Variants in NACAD observed in about 807,000 individuals in gnomAD.
NACAD encodes the protein NAC alpha domain containing.
Under a neutral mutation model 98.9 loss-of-function variants are expected in NACAD, and 47 were observed. The observed-to-expected ratio is 0.48, with a 90% confidence interval of 0.38 to 0.61. The LOEUF is 0.61. Among genes scored for constraint, NACAD ranks in the 20% least tolerant of loss-of-function variants. The pLI is 0.00. For synonymous variants in NACAD, 696 were observed against 767.2 expected (o/e 0.91, Z 1.53); for missense variants, 1,412 against 1,748.2 (o/e 0.81, Z 3.43).
chr7:45,082,780 T>C lies in NACAD; in HGVS notation c.3400A>G (p.Thr1134Ala). The C allele has an allele frequency of 1.3e-6, 2 of 1,548,918 alleles. No homozygotes were observed. The highest frequency in any genetic ancestry group is 2.4e-5 in the South Asian group (2 of 83,804). The stretch of plus-strand genomic sequence containing the variant: ...GCTGAGGGAAGCGTGGGCTCCGGGG[T>C]GGACTTGCCACTCAGGCCTCTTTCC... ...REERGLSGKS[T>A]PEPTLPSAVA... Residue 1134 changes from threonine to alanine, a missense_variant, in exon 2 of 8, where the codon ACC becomes GCC. Thr to Ala is a moderately conservative substitution (Grantham distance 58). Around this residue, in one of 5 missense-constraint regions of NACAD, gnomAD observed 572 missense variants for 639.6 expected, o/e 0.89. Transcript: ENST00000490531. This position sits in a 1 kb window ranked among gnomAD's most constrained non-coding sequence, Gnocchi z 4.5.
Position 45,083,113 on chromosome 7 carries a change from A to C in NACAD, c.3067T>G (p.Leu1023Val). The C allele has an allele frequency of 1.3e-6, 2 of 1,550,784 alleles. No individual in the cohort carries two copies. The highest frequency in any genetic ancestry group is 1.7e-4 in the Middle Eastern group (1 of 5,992). The part of the protein sequence containing the change: ...WAAQEDADST[L>V]GMEALSLPEP... The stretch of plus-strand genomic sequence containing the variant: ...GGGAGACTGAGGGCCTCCATGCCCA[A>C]AGTGGAATCCGCATCTTCCTGTGCG... The change falls in exon 2 of 8, where the codon TTG (leucine) becomes GTG (valine). Residue 1023 changes from leucine (L) to valine (V), a missense_variant. By Grantham distance (32) the Leu-to-Val change is conservative (BLOSUM62 1). Around this residue, in one of 5 missense-constraint regions of NACAD, gnomAD observed 572 missense variants for 639.6 expected, o/e 0.89. Transcript: ENST00000490531.
chr7:45,083,435 G>A lies in NACAD; in HGVS notation c.2745C>T (p.Thr915=), dbSNP rs908857855. 1.3e-6 allele frequency: 2 copies of A among 1,548,222 alleles called. No homozygotes were observed. The highest frequency in any genetic ancestry group is 2.0e-5 in the Admixed American group (1 of 50,792). ...PVSQQAEEGL[T]LPQDSAMTAP... is the part of the protein sequence containing the mutation. Reference sequence around the variant, plus strand: ...CTGTCATAGCGGAGTCCTGGGGTAAGGTGAGGCCCTCTTCAGCCTGCTGGG... The same window carrying A: ...CTGTCATAGCGGAGTCCTGGGGTAAAGTGAGGCCCTCTTCAGCCTGCTGGG... Residue 915 remains threonine, a synonymous_variant, in exon 2 of 8, where the codon ACC becomes ACT. Transcript: ENST00000490531.
Position 45,083,226 on chromosome 7 carries a change from G to T in NACAD, c.2954C>A (p.Ala985Asp). The part of the protein sequence containing the change: ...PRPAPEEKNA[A>D]LPTVPEPAAL... ...TGCAGGCTCCGGGACTGTAGGGAGG[G>T]CTGCATTCTTCTCCTCAGGTGCTGG... The change falls in exon 2 of 8, where the codon GCC (alanine) becomes GAC (aspartate). Residue 985 changes from alanine (A) to aspartate (D), a missense_variant. Around this residue, in one of 5 missense-constraint regions of NACAD, gnomAD observed 572 missense variants for 639.6 expected, o/e 0.89. Coordinates refer to ENST00000490531, the MANE Select transcript of NACAD (RefSeq NM_001146334.2). The T allele has an allele frequency of 6.4e-7, 1 of 1,550,874 alleles. No homozygotes were observed.
chr7:45,088,576 G>A lies in NACAD; in HGVS notation c.67+252C>T, dbSNP rs1361311486. On this transcript the variant is annotated intron_variant, in intron 1 of 7. Transcript: ENST00000490531. This position sits in a 1 kb window ranked among gnomAD's most constrained non-coding sequence, Gnocchi z 5.7. ...ATGCGAGCCCCACGATCCCTGGGTC[G>A]GAAGCCAAGGGCTTAAGCCCCCACG... Among the ~76,000 whole-genome samples the A allele has an allele frequency of 3.3e-5, 5 of 152,228 alleles. No homozygotes were observed. The highest frequency in any genetic ancestry group is 4.8e-5 in the African/African-American group (2 of 41,458).
At position 45,080,667 on chromosome 7, in the gene NACAD, G is replaced by A; in HGVS notation, c.4647C>T (p.Asn1549=). The A allele has an allele frequency of 6.4e-7, 1 of 1,551,300 alleles. No homozygotes were observed. Among genetic ancestry groups the A allele is most frequent in the Non-Finnish European group, 8.7e-7 (1 of 1,146,930 alleles). ...TGATGGCGTTGACGATGTCACTGTG[G>A]TTGTCTCTCAGAGCCCGCACGGCCT... ...RAKAVRALRD[N]HSDIVNAIME... The change falls in exon 7 of 8, where the codon AAC becomes AAT. Residue 1549 remains asparagine (N), a synonymous_variant. Coordinates refer to ENST00000490531, the MANE Select transcript of NACAD (RefSeq NM_001146334.2).
At position 45,088,930 on chromosome 7, in the gene NACAD, C is replaced by A; in HGVS notation, c.-36G>T. 1 of 1,327,034 alleles carries A rather than the reference C, an allele frequency of 7.5e-7. No individual in the cohort carries two copies. The highest frequency in any genetic ancestry group is 9.6e-7 in the Non-Finnish European group (1 of 1,038,332). 82.2% of individuals were successfully genotyped at this position (1,327,034 alleles called of 1,614,324 possible). The stretch of plus-strand genomic sequence containing the variant: ...TGCGCCCGCCCGTCCCTCAGTCCTT[C>A]CGACCCTCCGTCAGTCCGTGCCGCC... On this transcript the variant is annotated 5_prime_UTR_variant, in exon 1 of 8. Transcript: ENST00000490531. This position sits in a 1 kb window ranked among gnomAD's most constrained non-coding sequence, Gnocchi z 5.7.
chr7:45,085,246 G>T lies in NACAD; in HGVS notation c.934C>A (p.Pro312Thr), dbSNP rs1562928623. ...NDPMIPAALL[P>T]FQGSLIFQVE... ...TGAAAGATGAGGCTGCCCTGGAAGG[G>T]TAGGAGGGCTGCGGGGATCATTGGG... Residue 312 changes from proline (P) to threonine (T), a missense_variant, in exon 2 of 8, where the codon CCC (proline) becomes ACC (threonine). Coordinates refer to ENST00000490531, the MANE Select transcript of NACAD (RefSeq NM_001146334.2). This position sits in a 1 kb window ranked among gnomAD's most constrained non-coding sequence, Gnocchi z 6.1. The T allele has an allele frequency of 1.3e-6, 2 of 1,551,440 alleles. No homozygotes were observed. The highest frequency in any genetic ancestry group is 8.7e-7 in the Non-Finnish European group (1 of 1,146,938).
Position 45,085,821 on chromosome 7 carries a change from A to G in NACAD, c.359T>C (p.Val120Ala), listed in dbSNP as rs1784513266. The change falls in exon 2 of 8, where the codon GTG (valine) becomes GCG (alanine). Residue 120 changes from valine to alanine, a missense_variant. Physicochemically the swap from Val to Ala is moderately conservative, Grantham distance 64. Coordinates refer to ENST00000490531, the MANE Select transcript of NACAD (RefSeq NM_001146334.2). The surrounding 1 kb of genome is among the most constrained non-coding windows in gnomAD (Gnocchi z 6.1). ...GGCCTGGCACGTCTCCTCTCCCATCACAATCCGGGGCTCCAGGGTGGCCGG... is the reference window on the plus strand; with the variant it reads ...GGCCTGGCACGTCTCCTCTCCCATCGCAATCCGGGGCTCCAGGGTGGCCGG... The part of the protein sequence containing the change: ...PLPATLEPRI[V>A]MGEETCQALL... 1 of 1,539,274 alleles carries G rather than the reference A, an allele frequency of 6.5e-7. No homozygotes were observed. Among genetic ancestry groups the G allele is most frequent in the African/African-American group, 1.4e-5 (1 of 72,824 alleles).
chr7:45,084,236 T>C lies in NACAD; in HGVS notation c.1944A>G (p.Leu648=). Residue 648 remains leucine (L), a synonymous_variant, in exon 2 of 8, where the codon CTA becomes CTG. Transcript: ENST00000490531. ...GGGCTGACGAGAGTTCTGTGTCTTG[T>C]AGGGGCAGAGGCGGTGTCATAACGG... is the stretch of plus-strand genomic sequence containing the variant. ...QDSVMTPPLP[L]QDTELSSAPK... The C allele has an allele frequency of 4.7e-6, 6 of 1,264,188 alleles. 1 individual carries two copies. Among genetic ancestry groups the C allele is most frequent in the Non-Finnish European group, 6.0e-6 (6 of 994,240 alleles). The allele number at this position is 1,264,188 out of a possible 1,614,324, so 78.3% of individuals were successfully genotyped here.
At chr7:45,081,933 C>T (rs1784436806) in intron 2 of NACAD, 66 bp from the exon 3 acceptor site, 4 of 1,484,316 alleles carry the variant, frequency 2.7e-6, no homozygotes, top group South Asian at 2.5e-5. Context: ...GGGTTCAGGA[C>T]CCTGGCCCTG....
At position 45,082,145 on chromosome 7, in the gene NACAD, G is replaced by A. The variant is rs1028586891; in HGVS notation, c.4035C>T (p.Ala1345=). Residue 1345 remains alanine, a synonymous_variant, in exon 2 of 8, where the codon GCC becomes GCT. Transcript: ENST00000490531. This position sits in a 1 kb window ranked among gnomAD's most constrained non-coding sequence, Gnocchi z 4.5. ...TGTCCTCATCCTCTTGCTGCTCGGG[G>A]GCTGAGAGCCCTTGAGGGCCAGCTG... ...QSPAGPQGLS[A]PEQQEDEDSL... is the part of the protein sequence containing the mutation. The A allele has an allele frequency of 3.0e-5, 44 of 1,487,884 alleles. No homozygotes were observed. Among genetic ancestry groups the A allele is most frequent in the Non-Finnish European group, 3.8e-5 (42 of 1,117,534 alleles). 92.2% of individuals were successfully genotyped at this position (1,487,884 alleles called of 1,614,324 possible). A position where few individuals can be genotyped will look rare whatever the true frequency, so the allele number is the denominator to read the frequency against.
chr7:45,083,070 GCAC>G lies in NACAD; in HGVS notation c.3107_3109del (p.Gly1036del). 2 of 1,550,862 alleles carry G rather than the reference GCAC, an allele frequency of 1.3e-6. No homozygotes were observed. The highest frequency in any genetic ancestry group is 8.7e-7 in the Non-Finnish European group (1 of 1,147,006). ...AAGGGCTTCTGCTATTTCCTCCCCA[GCAC>G]CAGAGGCCGGCTCAGGGAGACTGAG... On this transcript the variant is annotated inframe_deletion, in exon 2 of 8. Transcript: ENST00000490531.
chr7:45,081,704 G>T (rs1358392143), intron 3 of NACAD, 32 bp from the exon 4 acceptor site: 1 of 1,551,274 alleles, frequency 6.4e-7, no homozygotes, highest in East Asian at 2.4e-5. Flanking sequence ...GCATCCATGG[G>T]TGGGGTGTGG....
At position 45,082,488 on chromosome 7, in the gene NACAD, G is replaced by A. The variant is rs1016101713; in HGVS notation, c.3692C>T (p.Ala1231Val). The change falls in exon 2 of 8, where the codon GCT becomes GTT. Residue 1231 changes from alanine (A) to valine (V), a missense_variant. Ala to Val is a moderately conservative substitution (Grantham distance 64). Around this residue, in one of 5 missense-constraint regions of NACAD, gnomAD observed 572 missense variants for 639.6 expected, o/e 0.89. Coordinates refer to ENST00000490531, the MANE Select transcript of NACAD (RefSeq NM_001146334.2). This position sits in a 1 kb window ranked among gnomAD's most constrained non-coding sequence, Gnocchi z 4.5. ...GGCTGCCCCAGCAAGGGTACCAGGAGCAGAAGGGTCAGGGCCCAGGGGCCT... is the reference window on the plus strand; with the variant it reads ...GGCTGCCCCAGCAAGGGTACCAGGAACAGAAGGGTCAGGGCCCAGGGGCCT... ...VDRPLGPDPS[A>V]PGTLAGAALP... 3 of 1,549,510 alleles carry A rather than the reference G, an allele frequency of 1.9e-6. No homozygotes were observed. The highest frequency in any genetic ancestry group is 2.7e-5 in the African/African-American group (2 of 73,022).
chr7:45,080,785 G>A (rs1245465608), intron 6 of NACAD, 23 bp from the exon 7 acceptor site: 4 of 1,550,244 alleles, frequency 2.6e-6, no homozygotes, highest in East Asian at 4.9e-5. Flanking sequence ...GAGCAGGGAA[G>A]TGGCTGGAGC....
rs553141512 is a variant in NACAD, at chr7:45,084,698, G to A, written c.1482C>T (p.Leu494=). 10 of 1,550,994 alleles carry A rather than the reference G, an allele frequency of 6.4e-6. No individual in the cohort carries two copies. The African/African-American group carries it at 1.2e-4, about 19-fold the overall frequency. Reference sequence around the variant, plus strand: ...TCACTCTGGTAGCCACCTCCACCTGGAGGCCTGGGGCTACCTGCAGAGTGT... The same window carrying A: ...TCACTCTGGTAGCCACCTCCACCTGAAGGCCTGGGGCTACCTGCAGAGTGT... ...TPHTLQVAPG[L]QVEVATRVTP... is the part of the protein sequence containing the mutation. Residue 494 remains leucine, a synonymous_variant, in exon 2 of 8, where the codon CTC becomes CTT. Coordinates refer to ENST00000490531, the MANE Select transcript of NACAD (RefSeq NM_001146334.2).
chr7:45,085,546 G>A lies in NACAD; in HGVS notation c.634C>T (p.Pro212Ser), dbSNP rs1358212763. 1 of 1,550,342 alleles carries A rather than the reference G, an allele frequency of 6.5e-7. No homozygotes were observed. The highest frequency in any genetic ancestry group is 8.7e-7 in the Non-Finnish European group (1 of 1,146,864). Residue 212 changes from proline to serine, a missense_variant, in exon 2 of 8, where the codon CCC (proline) becomes TCC (serine). Around this residue, in one of 5 missense-constraint regions of NACAD, gnomAD observed 638 missense variants for 722.7 expected, o/e 0.88. Transcript: ENST00000490531. The surrounding 1 kb of genome is among the most constrained non-coding windows in gnomAD (Gnocchi z 6.1). ...AELRDELLDS[P>S]PASPSGSYIT... The stretch of plus-strand genomic sequence containing the variant: ...TAGGAGCCCGAGGGTGAGGCGGGGG[G>A]CGAGTCCAGCAGCTCATCCCGCAGC...
rs1428590143 is a variant in NACAD, at chr7:45,084,731, C to CATAGTG, written c.1448_1449insCACTAT (p.Thr484_Pro485insMetThr). 1.3e-6 allele frequency: 2 copies of CATAGTG among 1,551,012 alleles called. No homozygotes were observed. Among genetic ancestry groups the CATAGTG allele is most frequent in the Non-Finnish European group, 1.7e-6 (2 of 1,146,912 alleles). ...GGGCTACCTGCAGAGTGTGAGGGGT[C>CATAGTG]ACAGTGGCAGTGGACTCCTGGCCTA... On this transcript the variant is annotated inframe_insertion, in exon 2 of 8. Transcript: ENST00000490531.
At position 45,084,548 on chromosome 7, in the gene NACAD, T is replaced by C. The variant is rs1469495757; in HGVS notation, c.1632A>G (p.Glu544=). The part of the protein sequence containing the change: ...EILGQESVTA[E]KLPTPQEETS... The stretch of plus-strand genomic sequence containing the variant: ...TTTCTTCCTGTGGAGTTGGAAGTTT[T>C]TCTGCAGTGACAGACTCTTGGCCTA... The change falls in exon 2 of 8, where the codon GAA becomes GAG. Residue 544 remains glutamate (E), a synonymous_variant. Transcript: ENST00000490531. 1 of 1,552,104 alleles carries C rather than the reference T, an allele frequency of 6.4e-7. No homozygotes were observed. The highest frequency in any genetic ancestry group is 8.7e-7 in the Non-Finnish European group (1 of 1,147,118).
Sources: gnomAD v4.1 joint callset for allele counts (sites outside exome capture counted in the v4.1 genomes callset) on GRCh38, gnomAD v4.1.1 for gene constraint, gnomAD v4.1.1 regional missense constraint, Gnocchi (gnomAD v3.1) non-coding constraint, MANE v1.5 for transcripts, NCBI Gene and HGNC (gene_info 2026-07-23, HGNC 2026-07-21) for gene names.